The following SORCS1 variants were observed in gnomAD, a reference collection of about 807,000 sequenced individuals.
SORCS1 encodes the protein VPS10 domain-containing receptor SorCS1.
A neutral mutation model predicts 146.1 loss-of-function variants in SORCS1; 60 were observed. That is an observed-to-expected ratio of 0.41 (90% CI 0.33 to 0.51). SORCS1 has a LOEUF of 0.51. SORCS1 is among the 20% of genes least tolerant of loss of function. The pLI is 0.21. For missense variants in SORCS1, 1,352 were observed against 1,487.6 expected, an observed-to-expected ratio of 0.91 and a Z score of 1.50; for synonymous variants, 637 against 584.0, an observed-to-expected ratio of 1.09 and a Z score of -1.31.
chr10:106,577,181 G>GTTTTGCT lies in SORCS1; in HGVS notation c.*238_*239insAGCAAAA, dbSNP rs1564736610. Reference sequence around the variant, plus strand: ...TTTGATTGTTTATATTTTATGTTTTGTTTTGTTTTTGTTTTTGTTTTTTTA... The same window carrying GTTTTGCT: ...TTTGATTGTTTATATTTTATGTTTTGTTTTGCTTTTTGTTTTTGTTTTTGTTTTTTTA... On this transcript the variant is annotated 3_prime_UTR_variant, in exon 26 of 26. Transcript: ENST00000263054. The GTTTTGCT allele has an allele frequency of 6.9e-7, 1 of 1,453,036 alleles. No homozygotes were observed. Among genetic ancestry groups the GTTTTGCT allele is most frequent in the Non-Finnish European group, 9.3e-7 (1 of 1,080,386 alleles). The allele number at this position is 1,453,036 out of a possible 1,614,324, so 90.0% of individuals were successfully genotyped here.
At chr10:107,133,038 T>TA (rs573490318) in intron 1 of SORCS1, among the ~76,000 whole-genome samples, 1 of 152,142 alleles carries the variant, frequency 6.6e-6, no homozygotes, top group South Asian at 2.1e-4. Context: ...GCCTCTGGAA[T>TA]AAACTAGACA....
At position 107,105,365 on chromosome 10, in the gene SORCS1, T is replaced by C. The variant is rs1965234603; in HGVS notation, c.558+58604A>G. Among the ~76,000 whole-genome samples, 2 of 152,240 alleles carry C rather than the reference T, an allele frequency of 1.3e-5. 1 individual carries two copies. Among genetic ancestry groups the C allele is most frequent in the South Asian group, 4.1e-4 (2 of 4,826 alleles). On this transcript the variant is annotated intron_variant, in intron 1 of 25. Transcript: ENST00000263054. ...GGACAGAACTAATAGGATAGATGTA[T>C]ATATGAAGGAAGTTTATTAAGGAGT... is the stretch of plus-strand genomic sequence containing the variant.
At chr10:106,705,609 C>G (rs989475657) in intron 8 of SORCS1, among the ~76,000 whole-genome samples, 5 of 152,196 alleles carry the variant, frequency 3.3e-5, no homozygotes, top group Admixed American at 2.6e-4. Context: ...CTCTTTAAAC[C>G]TGCATAGTCC....
intron 1 of SORCS1, among the ~76,000 whole-genome samples, chr10:107,038,402 G>GGA (rs1959000926): frequency 2.8e-5 from 4 of 142,038 alleles, no homozygotes; most frequent in Non-Finnish European, 4.6e-5. Flanking sequence ...GGGGTGGGTG[G>GGA]GGGGGGAGAG....
intron 1 of SORCS1, among the ~76,000 whole-genome samples, chr10:107,004,591 C>T (rs1957363996): frequency 6.6e-6 from 1 of 152,204 alleles, no homozygotes; most frequent in South Asian, 2.1e-4. Context: ...CTCCACTTGA[C>T]CCCACCTTTG....
At chr10:106,689,620 G>A (rs1433334124) in intron 9 of SORCS1, among the ~76,000 whole-genome samples, 5 of 152,042 alleles carry the variant, frequency 3.3e-5, no homozygotes, top group Admixed American at 6.6e-5. Flanking sequence ...CTCGCCAAAC[G>A]CCAAGCACTA....
At chr10:106,962,394 C>CAAAAAAAAAAAAAAA (rs60616146) in intron 1 of SORCS1, among the ~76,000 whole-genome samples, 8 of 62,526 alleles carry the variant, frequency 1.3e-4, no homozygotes, top group African/African-American at 1.9e-4. Flanking sequence ...AACTCCATCT[C>CAAAAAAAAAAAAAAA]AAAAAAAAAA....
chr10:106,612,052 A>G (rs377238552), intron 21 of SORCS1, 29 bp from the exon 22 acceptor site: 34 of 1,523,306 alleles, frequency 2.2e-5, no homozygotes, highest in African/African-American at 4.1e-5. Flanking sequence ...ATGGAGTACT[A>G]TAAGTCAAAT....
chr10:107,052,242 C>G (rs1289541087), intron 1 of SORCS1, among the ~76,000 whole-genome samples: 1 of 152,102 alleles, frequency 6.6e-6, no homozygotes, highest in Non-Finnish European at 1.5e-5. Flanking sequence ...TTTCTCAGCA[C>G]TGGGAATCTA....
chr10:107,117,749 T>C (rs1966133028), intron 1 of SORCS1, among the ~76,000 whole-genome samples: 1 of 152,190 alleles, frequency 6.6e-6, no homozygotes, highest in Non-Finnish European at 1.5e-5. Flanking sequence ...GAAATGAAAA[T>C]GTCTAGCCTA....
the SORCS1 span, among the ~76,000 whole-genome samples, chr10:107,175,481 G>T: frequency 1.3e-5 from 2 of 151,726 alleles, no homozygotes; most frequent in Admixed American, 6.6e-5. Context: ...TCTGTCACCC[G>T]GGCTGGAGTG....
intron 1 of SORCS1, among the ~76,000 whole-genome samples, chr10:107,007,419 G>T (rs1246404675): frequency 1.3e-5 from 2 of 152,210 alleles, no homozygotes; most frequent in African/African-American, 2.4e-5. Context: ...ACCCTTTGGA[G>T]AGACCCTAAT....
At chr10:106,915,455 G>A (rs1360625395) in intron 2 of SORCS1, among the ~76,000 whole-genome samples, 1 of 151,680 alleles carries the variant, frequency 6.6e-6, no homozygotes, top group Non-Finnish European at 1.5e-5. Context: ...ATGCATATTT[G>A]CCCACTCCTT....
intron 6 of SORCS1, among the ~76,000 whole-genome samples, chr10:106,713,763 G>A (rs73363548): frequency 5.3e-5 from 8 of 152,128 alleles, no homozygotes; most frequent in African/African-American, 1.9e-4. Flanking sequence ...TTTATTTCTA[G>A]TATACTGTGT....
intron 5 of SORCS1, among the ~76,000 whole-genome samples, chr10:106,735,291 A>C (rs1856872809): frequency 6.6e-6 from 1 of 152,204 alleles, no homozygotes; most frequent in African/African-American, 2.4e-5. Context: ...CAATTCAATT[A>C]TTTATTCATT....
At chr10:107,179,813 A>C in the SORCS1 span, among the ~76,000 whole-genome samples, 1,633 of 149,986 alleles carry the variant, frequency 0.011, 23 homozygotes, top group African/African-American at 0.036. Context: ...TTTAGATACT[A>C]GTCCTTTGTC....
intron 2 of SORCS1, among the ~76,000 whole-genome samples, chr10:106,952,880 G>A (rs961122879): frequency 4.4e-4 from 67 of 151,892 alleles, no homozygotes; most frequent in African/African-American, 1.5e-3. Context: ...CTACTTGGGA[G>A]GCTAAGGTGG....
chr10:106,713,232 C>T (rs909180222), intron 6 of SORCS1, among the ~76,000 whole-genome samples: 1 of 152,152 alleles, frequency 6.6e-6, no homozygotes, highest in Non-Finnish European at 1.5e-5. Flanking sequence ...GGTACTGAGC[C>T]TCAAGCTGCC....
chr10:106,683,940 G>A (rs572400441), intron 10 of SORCS1, among the ~76,000 whole-genome samples: 1 of 152,274 alleles, frequency 6.6e-6, no homozygotes, highest in South Asian at 2.1e-4. Flanking sequence ...AAAATATATA[G>A]AGTCACAGAC....
Sources: allele counts gnomAD v4.1 joint callset (sites outside exome capture counted in the v4.1 genomes callset), GRCh38; gene constraint gnomAD v4.1.1; transcripts MANE v1.5; gene names NCBI Gene and HGNC (gene_info 2026-07-23, HGNC 2026-07-21).